Variants in CTBP2 observed in about 807,000 individuals in gnomAD.
CTBP2 encodes C-terminal-binding protein 2.
A neutral mutation model predicts 80.3 loss-of-function variants in CTBP2; 30 were observed. The observed-to-expected ratio is 0.37, with a 90% CI of 0.28 to 0.51. The LOEUF (loss-of-function observed/expected upper bound fraction) is 0.51. Ranked by LOEUF, CTBP2 falls within the 20% of genes least tolerant of loss-of-function variation. CTBP2 has a pLI of 0.93. For synonymous variants in CTBP2, 594 were observed against 587.4 expected, an observed-to-expected ratio of 1.01 and a Z score of -0.16; for missense variants, 1,212 against 1,375.3, an observed-to-expected ratio of 0.88 and a Z score of 1.88.
intron 2 of CTBP2, among the ~76,000 whole-genome samples, chr10:125,057,667 A>T (rs762180289): frequency 3.3e-5 from 5 of 152,212 alleles, no homozygotes; most frequent in Non-Finnish European, 7.3e-5. Flanking sequence ...ACAAAAACCA[A>T]AACAAGAAGT....
At chr10:125,117,584 T>TG (rs1026761261) in intron 1 of CTBP2, among the ~76,000 whole-genome samples, 6 of 152,122 alleles carry the variant, frequency 3.9e-5, no homozygotes, top group African/African-American at 1.4e-4. Context: ...GGTTGGCACA[T>TG]GGGGAAAAGA....
intron 1 of CTBP2, chr10:125,159,833 G>A (rs1297181494): frequency 1.3e-5 from 2 of 150,972 alleles, no homozygotes; most frequent in Non-Finnish European, 3.0e-5. Context: ...CTGGGTCGCC[G>A]GCGGCCCCCG....
chr10:125,065,993 C>A (rs1844564224), intron 2 of CTBP2, among the ~76,000 whole-genome samples: 2 of 151,272 alleles, frequency 1.3e-5, no homozygotes, highest in Admixed American at 1.3e-4. Context: ...CCCAGCTACC[C>A]AGGTGGCTGA....
At position 125,083,183 on chromosome 10, in the gene CTBP2, G is replaced by A. The variant is rs368233704; in HGVS notation, c.-102+27807C>T. 5.3e-5 allele frequency among the ~76,000 whole-genome samples: 8 copies of A among 152,280 alleles called. No homozygotes were observed. The East Asian group carries it at 7.7e-4, about 15-fold the overall frequency. Reference sequence around the variant, plus strand: ...TAGACTTAAATTCTGCCTTCACGTCGCAAGTTTACATCTGACACCAACAAC... The same window carrying A: ...TAGACTTAAATTCTGCCTTCACGTCACAAGTTTACATCTGACACCAACAAC... On this transcript the variant is annotated intron_variant, in intron 2 of 10. Transcript: ENST00000337195.
At position 124,985,054 on chromosome 10, in the gene CTBP2, T is replaced by C; in HGVS notation, c.*4464A>G. ...ATCTGTAATGACCCTAAAGTTAGTG[T>C]GGTGCTCCAAGCAGAGTCGACATCA... On this transcript the variant is annotated 3_prime_UTR_variant, in exon 9 of 9. Transcript: ENST00000309035. 1 of 1,331,818 alleles carries C rather than the reference T, an allele frequency of 7.5e-7. No homozygotes were observed. The highest frequency in any genetic ancestry group is 1.0e-6 in the Non-Finnish European group (1 of 954,364). 82.5% of individuals were successfully genotyped at this position (1,331,818 alleles called of 1,614,324 possible). A position where few individuals can be genotyped will look rare whatever the true frequency, so the allele number is the denominator to read the frequency against.
Position 124,987,376 on chromosome 10 carries a change from A to ATT in CTBP2, c.*2141_*2142insAA, listed in dbSNP as rs1286216292. The ATT allele has an allele frequency of 6.6e-6, 1 of 151,718 alleles. No homozygotes were observed. The highest frequency in any genetic ancestry group is 2.4e-5 in the African/African-American group (1 of 41,300). 9.4% of individuals were successfully genotyped at this position (151,718 alleles called of 1,614,324 possible). The stretch of plus-strand genomic sequence containing the variant: ...TGGGGTCAAATTTATATATATATAT[A>ATT]TAAATTTTTGTTTGGGCGACCAAGA... On this transcript the variant is annotated 3_prime_UTR_variant, in exon 9 of 9. Transcript: ENST00000309035.
rs1221887355 is a variant in CTBP2, at chr10:125,027,860, C to T, written c.-101G>A. The T allele has an allele frequency of 3.4e-5, 48 of 1,429,704 alleles. No homozygotes were observed. The highest frequency in any genetic ancestry group is 1.1e-4 in the Admixed American group (4 of 35,094). The allele number at this position is 1,429,704 out of a possible 1,614,324, so 88.6% of individuals were successfully genotyped here. On this transcript the variant is annotated 5_prime_UTR_variant, in exon 1 of 9. Transcript: ENST00000309035. Reference sequence around the variant, plus strand: ...AGACCTGGCTGTGTGCTAACCCTTCCGAGACGGCAGGGACAACCAACTGGG... The same window carrying T: ...AGACCTGGCTGTGTGCTAACCCTTCTGAGACGGCAGGGACAACCAACTGGG...
intron 2 of CTBP2, among the ~76,000 whole-genome samples, chr10:125,085,399 T>A (rs1359390324): frequency 6.6e-6 from 1 of 152,174 alleles, no homozygotes; most frequent in Non-Finnish European, 1.5e-5. Flanking sequence ...CGCCTGACTC[T>A]CTGTAATGAC....
intron 2 of CTBP2, among the ~76,000 whole-genome samples, chr10:125,061,850 G>A (rs572434573): frequency 2.6e-5 from 4 of 152,134 alleles, no homozygotes; most frequent in Admixed American, 6.5e-5. Context: ...ACGGCATCCT[G>A]GACACTGTTC....
chr10:124,998,151 G>T lies in CTBP2; in HGVS notation c.1998C>A (p.Ile666=). ...CTGTCTCTTCCACGGCTGCAGACGG[G>T]ATGTTGCACACGGCAATTCCTGAAA... The change falls in exon 4 of 9, where the codon ATC becomes ATA. Residue 666 remains isoleucine (I), a synonymous_variant. Transcript: ENST00000309035. The T allele has an allele frequency of 6.2e-7, 1 of 1,608,754 alleles. No individual in the cohort carries two copies. The highest frequency in any genetic ancestry group is 8.5e-7 in the Non-Finnish European group (1 of 1,178,208).
rs1369365475 is a variant in CTBP2 at position 125,026,461 on chromosome 10, G to T, written c.1299C>A (p.Phe433Leu). Residue 433 changes from phenylalanine to leucine, a missense_variant, in exon 1 of 9, where the codon TTC becomes TTA. Coordinates refer to ENST00000309035, the MANE Select transcript of CTBP2 (RefSeq NM_022802.3). ...GAGAGCTGTACCCGGAGTTGGAGGG[G>T]AAGTGTGGGGCATGGGTGCCCACGC... 9.4e-6 allele frequency: 15 copies of T among 1,599,942 alleles called. No individual in the cohort carries two copies. The highest frequency in any genetic ancestry group is 1.1e-5 in the Non-Finnish European group (13 of 1,170,322).
rs144308412 is a variant in CTBP2 at position 125,127,305 on chromosome 10, C to T, written c.-205-16212G>A. Reference sequence around the variant, plus strand: ...AACAACCCAAACAAGCCCAATCCTGCCCTGATCTCATGTCTGTGTCACTGG... The same window carrying T: ...AACAACCCAAACAAGCCCAATCCTGTCCTGATCTCATGTCTGTGTCACTGG... On this transcript the variant is annotated intron_variant, in intron 1 of 10. Coordinates refer to the CTBP2 transcript ENST00000337195. Among the ~76,000 whole-genome samples, 775 of 152,322 alleles carry T rather than the reference C, an allele frequency of 5.1e-3. 2 individuals carry two copies. The highest frequency in any genetic ancestry group is 8.6e-3 in the Non-Finnish European group (583 of 68,028).
chr10:125,073,660 T>C (rs995971856), intron 2 of CTBP2, among the ~76,000 whole-genome samples: 3 of 152,240 alleles, frequency 2.0e-5, no homozygotes, highest in African/African-American at 7.2e-5. Flanking sequence ...ACTGCCTTGA[T>C]TCATATAGGC....
At chr10:125,106,291 T>C (rs1008097263) in intron 2 of CTBP2, among the ~76,000 whole-genome samples, 1 of 152,158 alleles carries the variant, frequency 6.6e-6, no homozygotes, top group African/African-American at 2.4e-5. Context: ...CTGAGAAAGC[T>C]TCCAGGAATA....
intron 1 of CTBP2, among the ~76,000 whole-genome samples, chr10:125,136,537 C>G (rs924164155): frequency 6.6e-6 from 1 of 152,158 alleles, no homozygotes; most frequent in African/African-American, 2.4e-5. Flanking sequence ...CTTTTGTGTG[C>G]CTATAGGAGT....
Position 124,986,544 on chromosome 10 carries a change from T to C in CTBP2, c.*2974A>G, listed in dbSNP as rs1006257983. On this transcript the variant is annotated 3_prime_UTR_variant, in exon 9 of 9. Coordinates refer to ENST00000309035, the MANE Select transcript of CTBP2 (RefSeq NM_022802.3). ...GATGAAAAGATCATTTTTTGCTGCA[T>C]GCTAAATCTTGCAGGAAAAATGATT... is the stretch of plus-strand genomic sequence containing the variant. 6.6e-6 allele frequency: 1 copy of C among 152,224 alleles called. No individual in the cohort carries two copies. The highest frequency in any genetic ancestry group is 1.5e-5 in the Non-Finnish European group (1 of 68,050). The allele number at this position is 152,224 out of a possible 1,614,324, so 9.4% of individuals were successfully genotyped here.
intron 1 of CTBP2, among the ~76,000 whole-genome samples, chr10:125,013,416 C>T (rs1425669723): frequency 1.3e-5 from 2 of 152,232 alleles, no homozygotes; most frequent in Non-Finnish European, 2.9e-5. Flanking sequence ...CTCGTGCGGG[C>T]ACCGCTGCCG....
At chr10:125,041,504 ACCCCCC>A (rs10559259) in intron 2 of CTBP2, among the ~76,000 whole-genome samples, 23 of 91,138 alleles carry the variant, frequency 2.5e-4, no homozygotes, top group Admixed American at 2.5e-3. Flanking sequence ...GTCCATCCCC[ACCCCCC>A]CCCCCCCCAC....
intron 2 of CTBP2, among the ~76,000 whole-genome samples, chr10:125,078,687 T>C (rs1263363633): frequency 1.3e-5 from 2 of 152,136 alleles, no homozygotes; most frequent in Non-Finnish European, 2.9e-5. Context: ...CCGGATCCTG[T>C]AGAGATGGCC....
Sources: gnomAD v4.1 joint callset for allele counts (sites outside exome capture counted in the v4.1 genomes callset) on GRCh38, gnomAD v4.1.1 for gene constraint, MANE v1.5 for transcripts, NCBI Gene and HGNC (gene_info 2026-07-23, HGNC 2026-07-21) for gene names.